GALNT13: variants seen among roughly 807,000 people sequenced by gnomAD.
GALNT13 encodes UDP-GalNAc:polypeptide N-acetylgalactosaminyltransferase 13.
Under a neutral mutation model 64.2 loss-of-function variants are expected in GALNT13, and 28 were observed. The ratio of observed to expected loss-of-function variants is 0.44; its 90% CI spans 0.32 to 0.60. GALNT13 has a LOEUF of 0.60. Among genes scored for constraint, GALNT13 ranks in the 20% least tolerant of loss-of-function variants. The pLI is 0.05. For missense variants in GALNT13, 577 were observed against 669.8 expected (o/e 0.86, Z 1.53); for synonymous variants, 214 against 224.6 (o/e 0.95, Z 0.42).
chr2:153,426,215 T>A, the GALNT13 span, among the ~76,000 whole-genome samples: 1 of 151,950 alleles, frequency 6.6e-6, no homozygotes, highest in East Asian at 1.9e-4. Flanking sequence ...GAGTTTTAGA[T>A]CATTATTCTC....
At chr2:153,970,947 G>A (rs1693695273) in intron 3 of GALNT13, among the ~76,000 whole-genome samples, 1 of 152,158 alleles carries the variant, frequency 6.6e-6, no homozygotes, top group Admixed American at 6.6e-5. Flanking sequence ...AATACTCAGA[G>A]TAGAAACAAA....
chr2:153,835,448 T>A, the GALNT13 span, among the ~76,000 whole-genome samples: 5 of 152,016 alleles, frequency 3.3e-5, no homozygotes, highest in African/African-American at 1.2e-4. Context: ...AGTGATAGTT[T>A]GAGTAATAAA....
chr2:154,038,873 A>T (rs536281630), intron 3 of GALNT13, among the ~76,000 whole-genome samples: 1 of 152,300 alleles, frequency 6.6e-6, no homozygotes, highest in East Asian at 1.9e-4. Context: ...GAAGGGATTA[A>T]TATCCAGAAT....
chr2:154,369,697 G>A (rs368476943), intron 9 of GALNT13, among the ~76,000 whole-genome samples: 29 of 152,218 alleles, frequency 1.9e-4, no homozygotes, highest in African/African-American at 6.5e-4. Context: ...GCAGATATTC[G>A]AATCACAGCA....
At chr2:153,632,223 A>C in the GALNT13 span, among the ~76,000 whole-genome samples, 1 of 152,178 alleles carries the variant, frequency 6.6e-6, no homozygotes, top group Non-Finnish European at 1.5e-5. Flanking sequence ...TTGAAAAATC[A>C]GTTTTAAACT....
the GALNT13 span, among the ~76,000 whole-genome samples, chr2:153,530,917 A>T: frequency 2.0e-5 from 3 of 152,344 alleles, no homozygotes; most frequent in African/African-American, 7.2e-5. Context: ...TAAATCTAAG[A>T]CCTAAAACTG....
At chr2:154,321,189 T>C (rs1047252019) in intron 9 of GALNT13, among the ~76,000 whole-genome samples, 1 of 152,040 alleles carries the variant, frequency 6.6e-6, no homozygotes, top group Non-Finnish European at 1.5e-5. Context: ...AAAAAGACCA[T>C]GGTGTTGTAA....
At chr2:154,426,765 T>C (rs1017597110) in intron 11 of GALNT13, among the ~76,000 whole-genome samples, 1 of 152,214 alleles carries the variant, frequency 6.6e-6, no homozygotes, top group Admixed American at 6.6e-5. Flanking sequence ...AACAATGAAG[T>C]AGAATAGAAA....
At chr2:153,884,692 G>T (rs1331670083) in intron 1 of GALNT13, among the ~76,000 whole-genome samples, 3 of 150,162 alleles carry the variant, frequency 2.0e-5, no homozygotes, top group Non-Finnish European at 3.0e-5. Flanking sequence ...GCTGAGGTGG[G>T]CGGATCATCT....
chr2:153,350,408 A>T, the GALNT13 span, among the ~76,000 whole-genome samples: 1 of 114,730 alleles, frequency 8.7e-6, no homozygotes, highest in Non-Finnish European at 1.7e-5. Flanking sequence ...TTTGAGACGG[A>T]GTTGCGTTCT....
the GALNT13 span, among the ~76,000 whole-genome samples, chr2:153,109,210 A>C: frequency 2.8e-4 from 43 of 152,254 alleles, no homozygotes; most frequent in African/African-American, 1.0e-3. Flanking sequence ...AAAAAACTGA[A>C]ACTCGAAAAG....
chr2:153,701,006 A>G, the GALNT13 span, among the ~76,000 whole-genome samples: 6 of 152,232 alleles, frequency 3.9e-5, no homozygotes, highest in Non-Finnish European at 7.3e-5. Context: ...TTTACATTTC[A>G]TATGGAACAA....
At chr2:153,684,393 A>G in the GALNT13 span, among the ~76,000 whole-genome samples, 1 of 151,658 alleles carries the variant, frequency 6.6e-6, no homozygotes, top group South Asian at 2.1e-4. Flanking sequence ...ATTTTATTCC[A>G]GCTATATGCT....
chr2:153,948,767 T>TG (rs1454358385), intron 3 of GALNT13, among the ~76,000 whole-genome samples: 6 of 152,022 alleles, frequency 3.9e-5, no homozygotes, highest in African/African-American at 1.4e-4. Context: ...GAAAACCAAA[T>TG]AGCTCATGTT....
At chr2:154,334,279 C>T (rs1381838654) in intron 9 of GALNT13, among the ~76,000 whole-genome samples, 1 of 152,008 alleles carries the variant, frequency 6.6e-6, no homozygotes, top group African/African-American at 2.4e-5. Context: ...TTGAGAATTT[C>T]TTTCTACCTG....
chr2:154,380,582 G>C (rs1204055884), intron 9 of GALNT13, among the ~76,000 whole-genome samples: 7 of 151,822 alleles, frequency 4.6e-5, no homozygotes, highest in Admixed American at 2.0e-4. Context: ...GATGAAAAAG[G>C]ACTTAATGCT....
At chr2:153,814,445 A>G in the GALNT13 span, among the ~76,000 whole-genome samples, 7 of 72,668 alleles carry the variant, frequency 9.6e-5, no homozygotes, top group Non-Finnish European at 1.6e-4. Flanking sequence ...GTCTCAATAA[A>G]TAAATAAGTA....
At chr2:154,153,453 C>T (rs571050951) in intron 4 of GALNT13, among the ~76,000 whole-genome samples, 1 of 152,206 alleles carries the variant, frequency 6.6e-6, no homozygotes, top group Non-Finnish European at 1.5e-5. Flanking sequence ...CCACTGCTCT[C>T]TTCAAAGCTG....
At chr2:154,288,650 G>A (rs2105955364) in intron 8 of GALNT13, among the ~76,000 whole-genome samples, 1 of 152,328 alleles carries the variant, frequency 6.6e-6, no homozygotes, top group African/African-American at 2.4e-5. Context: ...CTTCATGCAA[G>A]TCTGAGATCC....
Sources: gnomAD v4.1 joint callset for allele counts (sites outside exome capture counted in the v4.1 genomes callset) on GRCh38, gnomAD v4.1.1 for gene constraint, MANE v1.5 for transcripts, NCBI Gene and HGNC (gene_info 2026-07-23, HGNC 2026-07-21) for gene names.